RIPOR2: variants seen among roughly 807,000 people sequenced by gnomAD.
RIPOR2 encodes the protein rho family-interacting cell polarization regulator 2.
RIPOR2 carries 39 observed loss-of-function variants against 114.5 expected under a neutral mutation model. The observed-to-expected ratio is 0.34, with a 90% CI of 0.26 to 0.44. The LOEUF is 0.44. RIPOR2 is among the 20% of genes least tolerant of loss of function. RIPOR2 has a pLI of 1.00. For missense variants in RIPOR2, 1,007 were observed against 1,255.1 expected (o/e 0.80, Z 2.99); for synonymous variants, 445 against 484.4 (o/e 0.92, Z 1.07).
chr6:24,955,227 G>C (rs1772975080), intron 1 of RIPOR2, among the ~76,000 whole-genome samples: 1 of 152,098 alleles, frequency 6.6e-6, no homozygotes, highest in Admixed American at 6.6e-5. Context: ...GATTTAAAAA[G>C]GAAGTTTAAA....
At chr6:24,841,433 ACTAT>A (rs1388798647) in intron 13 of RIPOR2, among the ~76,000 whole-genome samples, 3 of 152,008 alleles carry the variant, frequency 2.0e-5, no homozygotes, top group African/African-American at 7.3e-5. Context: ...CATCAACTGA[ACTAT>A]CTGTCATGAG....
At chr6:24,964,713 A>G (rs1356651572) in intron 1 of RIPOR2, among the ~76,000 whole-genome samples, 1 of 152,222 alleles carries the variant, frequency 6.6e-6, no homozygotes, top group Admixed American at 6.5e-5. Flanking sequence ...GAAATGCCAA[A>G]CTAATTTCCC....
At chr6:24,892,997 C>T (rs896820298) in intron 1 of RIPOR2, among the ~76,000 whole-genome samples, 1 of 152,164 alleles carries the variant, frequency 6.6e-6, no homozygotes. Context: ...TTGCCACTGA[C>T]TCCAGCGTGG....
chr6:24,949,702 G>A (rs1489254647), intron 1 of RIPOR2, among the ~76,000 whole-genome samples: 1 of 152,180 alleles, frequency 6.6e-6, no homozygotes, highest in Non-Finnish European at 1.5e-5. Context: ...GCAATGGGGC[G>A]CAGGGCTCAC....
rs1318218928 is a variant in RIPOR2, at chr6:24,839,175, T to C, written c.1955A>G (p.Asp652Gly). The change falls in exon 14 of 22, where the codon GAC (aspartate) becomes GGC (glycine). Residue 652 changes from aspartate (D) to glycine (G), a missense_variant. Coordinates refer to ENST00000643898, the MANE Select transcript of RIPOR2 (RefSeq NM_001286445.3). ...SFDFLNTSDF[D>G]EEEDGDEVCN... ...AACCTCATCACCATCCTCCTCCTCG[T>C]CAAAATCAGAGGTGTTCAGGAAATC... is the stretch of plus-strand genomic sequence containing the variant. 6.4e-6 allele frequency: 10 copies of C among 1,551,556 alleles called. No individual in the cohort carries two copies. Among genetic ancestry groups the C allele is most frequent in the Non-Finnish European group, 8.7e-6 (10 of 1,146,972 alleles).
intron 1 of RIPOR2, among the ~76,000 whole-genome samples, chr6:24,927,412 T>C (rs544710585): frequency 2.7e-5 from 4 of 148,930 alleles, no homozygotes; most frequent in African/African-American, 7.5e-5. Flanking sequence ...ACCACAACTA[T>C]AACTATCACC....
intron 1 of RIPOR2, among the ~76,000 whole-genome samples, chr6:25,028,273 C>G (rs1434951054): frequency 1.3e-5 from 2 of 152,212 alleles, no homozygotes; most frequent in Middle Eastern, 3.4e-3. Flanking sequence ...GCATTTCAAC[C>G]GGGCCCATGT....
chr6:24,842,150 C>T (rs1292987545), intron 13 of RIPOR2, among the ~76,000 whole-genome samples: 1 of 152,134 alleles, frequency 6.6e-6, no homozygotes, highest in Non-Finnish European at 1.5e-5. Flanking sequence ...TCTTCTTGTG[C>T]AGTGTTTTTT....
At chr6:24,950,330 T>G (rs1581862332) in intron 1 of RIPOR2, among the ~76,000 whole-genome samples, 1 of 152,210 alleles carries the variant, frequency 6.6e-6, no homozygotes, top group Admixed American at 6.5e-5. Context: ...AAATGCAAGA[T>G]TCTTTCTCTT....
intron 1 of RIPOR2, among the ~76,000 whole-genome samples, chr6:24,934,357 A>G (rs953301080): frequency 6.6e-6 from 1 of 152,246 alleles, no homozygotes; most frequent in Non-Finnish European, 1.5e-5. Context: ...GTAACACAAC[A>G]GAATGATAAC....
At chr6:24,948,353 C>G (rs1325211900) in intron 1 of RIPOR2, 1 of 152,230 alleles carries the variant, frequency 6.6e-6, no homozygotes, top group African/African-American at 2.4e-5. Context: ...CATGAACTAA[C>G]TATCCCCTCA....
intron 1 of RIPOR2, among the ~76,000 whole-genome samples, chr6:24,941,159 C>T (rs1304434366): frequency 7.2e-5 from 11 of 152,102 alleles, no homozygotes; most frequent in Admixed American, 7.2e-4. Context: ...GCTGGGGAAG[C>T]CTGACCAAAG....
chr6:24,832,799 G>A (rs1296407350), intron 15 of RIPOR2, among the ~76,000 whole-genome samples: 1 of 152,196 alleles, frequency 6.6e-6, no homozygotes, highest in Non-Finnish European at 1.5e-5. Context: ...TTGTGTGTGT[G>A]TTCAAGCTGA....
intron 8 of RIPOR2, among the ~76,000 whole-genome samples, chr6:24,855,234 T>A (rs1401440767): frequency 1.3e-5 from 2 of 152,154 alleles, no homozygotes; most frequent in African/African-American, 2.4e-5. Context: ...GATGATATAC[T>A]TATTTTGTAA....
Position 24,849,899 on chromosome 6 carries a change from A to G in RIPOR2, c.937T>C (p.Cys313Arg), listed in dbSNP as rs1581588608. Residue 313 changes from cysteine to arginine, a missense_variant, in exon 11 of 22, where the codon TGT becomes CGT. By Grantham distance (180) the Cys-to-Arg change is radical. Coordinates refer to ENST00000643898, the MANE Select transcript of RIPOR2 (RefSeq NM_001286445.3). ...ATHILVGSVT[C>R]ETKELFAARP... ...GCTGCAAACAGCTCTTTGGTCTCAC[A>G]GGTCACGCTACCTACCAGGATGTGA... 6.2e-7 allele frequency: 1 copy of G among 1,613,938 alleles called. No individual in the cohort carries two copies. Among genetic ancestry groups the G allele is most frequent in the Non-Finnish European group, 8.5e-7 (1 of 1,179,818 alleles).
intron 1 of RIPOR2, among the ~76,000 whole-genome samples, chr6:24,923,827 G>A (rs556145519): frequency 6.6e-6 from 1 of 152,098 alleles, no homozygotes; most frequent in East Asian, 1.9e-4. Context: ...CAGCCTCAGC[G>A]ACAGAGTAAG....
rs1192151754 is a variant in RIPOR2 at position 24,804,507 on chromosome 6, G to A, written c.*1866C>T. 6.6e-6 allele frequency: 1 copy of A among 151,954 alleles called. No individual in the cohort carries two copies. 9.4% of individuals were successfully genotyped at this position (151,954 alleles called of 1,614,324 possible). Reference sequence around the variant, plus strand: ...ATCTGTGTTTGACTTTCTATAAAAAGAACCATTTCAACCATTTAACATAAG... The same window carrying A: ...ATCTGTGTTTGACTTTCTATAAAAAAAACCATTTCAACCATTTAACATAAG... On this transcript the variant is annotated 3_prime_UTR_variant, in exon 22 of 22. Coordinates refer to ENST00000643898, the MANE Select transcript of RIPOR2 (RefSeq NM_001286445.3).
chr6:24,954,757 G>A (rs1398389031), intron 1 of RIPOR2, among the ~76,000 whole-genome samples: 5 of 151,834 alleles, frequency 3.3e-5, no homozygotes, highest in South Asian at 2.1e-4. Context: ...CTTAGGCCCC[G>A]TCTTTAATAG....
chr6:25,009,310 C>T (rs1775685709), intron 1 of RIPOR2, among the ~76,000 whole-genome samples: 1 of 152,212 alleles, frequency 6.6e-6, no homozygotes, highest in Non-Finnish European at 1.5e-5. Flanking sequence ...TCTTGATTAG[C>T]AGTTTCTCTG....
Sources: gnomAD v4.1 joint callset for allele counts (sites outside exome capture counted in the v4.1 genomes callset) on GRCh38, gnomAD v4.1.1 for gene constraint, MANE v1.5 for transcripts, NCBI Gene and HGNC (gene_info 2026-07-23, HGNC 2026-07-21) for gene names.